RMND5A: variants seen among roughly 807,000 people sequenced by gnomAD.
The protein encoded by RMND5A is required for meiotic nuclear division 5 homolog A.
In RMND5A, 17 loss-of-function variants were observed where a neutral mutation model predicts 49.7. That is an observed-to-expected ratio of 0.34 (90% CI 0.23 to 0.51). The LOEUF (loss-of-function observed/expected upper bound fraction) is 0.51, where lower values mean the gene tolerates loss of function less well. RMND5A is among the 20% of genes least tolerant of loss of function. The pLI is 0.96. For synonymous variants in RMND5A, 156 were observed against 167.7 expected (o/e 0.93, Z 0.54); for missense variants, 255 against 471.3 (o/e 0.54, Z 4.25).
chr2:86,775,328 CTTTTTTTTTTTTTTT>C lies in RMND5A; in HGVS notation c.*1924_*1938del, dbSNP rs745985415. Reference sequence around the variant, plus strand: ...TAGAGTGTTGTATTTTTCTTTCTTTCTTTTTTTTTTTTTTTTTTTTTACCCTTTTTCTCCTTAGGC... The same window carrying C: ...TAGAGTGTTGTATTTTTCTTTCTTTCTTTTTTACCCTTTTTCTCCTTAGGC... On this transcript the variant is annotated 3_prime_UTR_variant, in exon 9 of 9. Transcript: ENST00000283632. The C allele has an allele frequency of 3.6e-5, 1 of 27,732 alleles. No individual in the cohort carries two copies. The allele number at this position is 27,732 out of a possible 1,614,324, so 1.7% of individuals were successfully genotyped here. A position where few individuals can be genotyped will look rare whatever the true frequency, so the allele number is the denominator to read the frequency against.
chr2:86,766,516 T>C (rs13382530), intron 6 of RMND5A, among the ~76,000 whole-genome samples: 1,922 of 152,044 alleles, frequency 0.013, 48 homozygotes, highest in African/African-American at 0.044. Context: ...CACAAAAAAT[T>C]AGCTGGACGT....
At chr2:86,772,462 A>G (rs1197364077) in intron 8 of RMND5A, among the ~76,000 whole-genome samples, 2 of 152,202 alleles carry the variant, frequency 1.3e-5, no homozygotes, top group Non-Finnish European at 2.9e-5. Flanking sequence ...CTCAAAAAAC[A>G]AAAACAAAAA....
intron 2 of RMND5A, among the ~76,000 whole-genome samples, chr2:86,744,748 C>T (rs116486540): frequency 0.018 from 2,666 of 152,130 alleles, 24 homozygotes; most frequent in Non-Finnish European, 0.028. Context: ...GTGACACCAT[C>T]ACAGCTCACT....
At chr2:86,771,955 C>G (rs941973448) in intron 8 of RMND5A, among the ~76,000 whole-genome samples, 1 of 152,040 alleles carries the variant, frequency 6.6e-6, no homozygotes, top group African/African-American at 2.4e-5. Flanking sequence ...ATAGATTTTC[C>G]CCTTTTTTAT....
chr2:86,725,352 C>A (rs539880160), intron 1 of RMND5A, among the ~76,000 whole-genome samples: 1 of 143,918 alleles, frequency 6.9e-6, no homozygotes, highest in African/African-American at 2.6e-5. Context: ...ACCTGGTTGC[C>A]CACTTCACAG....
chr2:86,767,348 C>T (rs1376987388), intron 6 of RMND5A, among the ~76,000 whole-genome samples: 1 of 152,168 alleles, frequency 6.6e-6, no homozygotes, highest in Non-Finnish European at 1.5e-5. Flanking sequence ...TAGGCGTGAG[C>T]CACCGCACCA....
chr2:86,746,466 T>C (rs192622751), intron 2 of RMND5A, among the ~76,000 whole-genome samples: 3 of 152,322 alleles, frequency 2.0e-5, no homozygotes, highest in African/African-American at 4.8e-5. Flanking sequence ...TCATGTACAT[T>C]ATTTACCTTT....
intron 2 of RMND5A, among the ~76,000 whole-genome samples, chr2:86,745,297 T>C (rs948666436): frequency 6.6e-6 from 1 of 152,204 alleles, no homozygotes; most frequent in Non-Finnish European, 1.5e-5. Context: ...ATAAGATTGC[T>C]GTTTTGTATA....
intron 1 of RMND5A, among the ~76,000 whole-genome samples, chr2:86,721,701 G>T (rs572487582): frequency 4.0e-5 from 6 of 151,584 alleles, no homozygotes; most frequent in African/African-American, 1.2e-4. Context: ...GATTCCTTTT[G>T]ATCAAGAAGT....
At chr2:86,745,899 G>T (rs1233586318) in intron 2 of RMND5A, among the ~76,000 whole-genome samples, 1 of 152,156 alleles carries the variant, frequency 6.6e-6, no homozygotes, top group African/African-American at 2.4e-5. Flanking sequence ...TAAACACTGT[G>T]CTGTACTAGG....
At chr2:86,748,781 C>A (rs958011521) in intron 2 of RMND5A, among the ~76,000 whole-genome samples, 2 of 152,188 alleles carry the variant, frequency 1.3e-5, no homozygotes, top group Non-Finnish European at 2.9e-5. Context: ...ATTGTTTCAA[C>A]ATGATCTGTG....
intron 4 of RMND5A, among the ~76,000 whole-genome samples, chr2:86,761,950 G>C (rs1672496072): frequency 6.6e-6 from 1 of 152,018 alleles, no homozygotes; most frequent in South Asian, 2.1e-4. Flanking sequence ...GTGGCGTACA[G>C]GTGTTTATAG....
At position 86,759,618 on chromosome 2, in the gene RMND5A, C is replaced by T. The variant is rs535316055; in HGVS notation, c.522-5409C>T. ...CTGCATTTTTAGTTTGCTTGCCCCC[C>T]CGCCCCCCACCATCTCTACTAAAAA... is the stretch of plus-strand genomic sequence containing the variant. On this transcript the variant is annotated intron_variant, in intron 4 of 8. Transcript: ENST00000283632. 2.2e-3 allele frequency among the ~76,000 whole-genome samples: 336 copies of T among 151,096 alleles called. 2 individuals carry two copies. Among genetic ancestry groups the T allele is most frequent in the Non-Finnish European group, 3.8e-3 (259 of 67,734 alleles).
chr2:86,729,277 T>G (rs1338001098), intron 1 of RMND5A, among the ~76,000 whole-genome samples: 1 of 152,050 alleles, frequency 6.6e-6, no homozygotes, highest in Non-Finnish European at 1.5e-5. Flanking sequence ...TAACAGTGCT[T>G]CTGGTGAGTA....
Position 86,747,756 on chromosome 2 carries a change from C to T in RMND5A, c.286-4140C>T, listed in dbSNP as rs148373189. Among the ~76,000 whole-genome samples, 666 of 152,226 alleles carry T rather than the reference C, an allele frequency of 4.4e-3. 3 individuals carry two copies. Among genetic ancestry groups the T allele is most frequent in the African/African-American group, 0.014 (593 of 41,526 alleles). Reference sequence around the variant, plus strand: ...ATTTGAGAAACGGATGGGTTTTTGACGGTAAACAGTGAAAGCCATTTCCGA... The same window carrying T: ...ATTTGAGAAACGGATGGGTTTTTGATGGTAAACAGTGAAAGCCATTTCCGA... On this transcript the variant is annotated intron_variant, in intron 2 of 8. Coordinates refer to ENST00000283632, the MANE Select transcript of RMND5A (RefSeq NM_022780.4).
At chr2:86,734,313 AG>A in intron 1 of RMND5A, among the ~76,000 whole-genome samples, 1 of 148,226 alleles carries the variant, frequency 6.7e-6, no homozygotes, top group African/African-American at 2.6e-5. Flanking sequence ...GAAGAAAAGG[AG>A]GTAACAAATA....
At chr2:86,765,413 TAGA>T (rs1672574147) in intron 5 of RMND5A, 2 of 439,982 alleles carry the variant, frequency 4.5e-6, no homozygotes. Flanking sequence ...ATATTAAACT[TAGA>T]GGAGATGTGA....
At chr2:86,759,663 G>A (rs769202985) in intron 4 of RMND5A, among the ~76,000 whole-genome samples, 12 of 140,056 alleles carry the variant, frequency 8.6e-5, no homozygotes, top group South Asian at 2.5e-4. Flanking sequence ...TGCCAGGCGC[G>A]GTGGTGAGCA....
At chr2:86,766,759 G>T (rs995942941) in intron 6 of RMND5A, among the ~76,000 whole-genome samples, 1 of 151,940 alleles carries the variant, frequency 6.6e-6, no homozygotes, top group Non-Finnish European at 1.5e-5. Context: ...AGGCTGAGGT[G>T]GGGGGAATCT....
Sources: gnomAD v4.1 joint callset for allele counts (sites outside exome capture counted in the v4.1 genomes callset) on GRCh38, gnomAD v4.1.1 for gene constraint, MANE v1.5 for transcripts, NCBI Gene and HGNC (gene_info 2026-07-23, HGNC 2026-07-21) for gene names.